The following AKAP6 variants were observed in gnomAD, a reference collection of about 807,000 sequenced individuals.
AKAP6 encodes the protein A-kinase anchoring protein 6.
AKAP6 carries 58 observed loss-of-function variants against 188.5 expected under a neutral mutation model. That is an observed-to-expected ratio of 0.31 (90% confidence interval 0.25 to 0.38). The LOEUF is 0.38. Ranked by LOEUF, AKAP6 falls within the 10% of genes least tolerant of loss-of-function variation. The pLI is 1.00. For synonymous variants in AKAP6, 989 were observed against 998.6 expected (o/e 0.99, Z 0.18); for missense variants, 2,710 against 2,740.0 (o/e 0.99, Z 0.24).
At chr14:32,557,055 A>G (rs1485407790) in intron 4 of AKAP6, among the ~76,000 whole-genome samples, 6 of 151,902 alleles carry the variant, frequency 3.9e-5, no homozygotes, top group Admixed American at 3.9e-4. Context: ...AAAAAAAAAT[A>G]CTTTTGAGAG....
At chr14:32,693,940 A>G (rs1207001989) in intron 8 of AKAP6, among the ~76,000 whole-genome samples, 1 of 152,198 alleles carries the variant, frequency 6.6e-6, no homozygotes, top group African/African-American at 2.4e-5. Context: ...GTCAATAAAG[A>G]AAACCAGATG....
At chr14:32,592,835 T>C (rs1885542089) in intron 5 of AKAP6, among the ~76,000 whole-genome samples, 1 of 152,060 alleles carries the variant, frequency 6.6e-6, no homozygotes. Context: ...AGAAACTGAG[T>C]ACACAGAGGT....
chr14:32,439,840 C>T (rs913901436), intron 2 of AKAP6, among the ~76,000 whole-genome samples: 1 of 152,050 alleles, frequency 6.6e-6, no homozygotes, highest in African/African-American at 2.4e-5. Context: ...GTGTTAAAGC[C>T]CGAAGCATTC....
intron 2 of AKAP6, among the ~76,000 whole-genome samples, chr14:32,522,789 T>G (rs1315182473): frequency 6.6e-6 from 1 of 152,190 alleles, no homozygotes; most frequent in African/African-American, 2.4e-5. Flanking sequence ...TGGCGATTCC[T>G]CGGGGATCTA....
At chr14:32,438,582 T>C (rs1890465265) in intron 2 of AKAP6, 1 of 152,148 alleles carries the variant, frequency 6.6e-6, no homozygotes, top group African/African-American at 2.4e-5. Context: ...AAGCAGAGAT[T>C]GAAAATTGGA....
chr14:32,540,535 G>A (rs538699039), intron 3 of AKAP6, among the ~76,000 whole-genome samples: 4 of 151,978 alleles, frequency 2.6e-5, no homozygotes, highest in African/African-American at 9.7e-5. Context: ...ATATTTAAGT[G>A]GAGTGGGTAC....
chr14:32,801,282 T>C (rs990936584), intron 12 of AKAP6, among the ~76,000 whole-genome samples: 2 of 152,208 alleles, frequency 1.3e-5, no homozygotes, highest in African/African-American at 4.8e-5. Context: ...TTTCCTCTTT[T>C]AATGTATCAA....
rs117383890 is a variant in AKAP6, at chr14:32,712,990, G to A, written c.3000+16880G>A. On this transcript the variant is annotated intron_variant, in intron 9 of 13. Coordinates refer to ENST00000280979, the MANE Select transcript of AKAP6 (RefSeq NM_004274.5). ...ATCACTATCTATGGCAGCTATAGCCGTACAAAATGTATTTCTTAAATAAGA... is the reference window on the plus strand; with the variant it reads ...ATCACTATCTATGGCAGCTATAGCCATACAAAATGTATTTCTTAAATAAGA... Among the ~76,000 whole-genome samples, 420 of 152,076 alleles carry A rather than the reference G, an allele frequency of 2.8e-3. 2 individuals are homozygous for A. The highest frequency in any genetic ancestry group is 7.2e-3 in the African/African-American group (300 of 41,514).
chr14:32,492,016 G>T (rs1880042278), intron 2 of AKAP6, among the ~76,000 whole-genome samples: 1 of 151,992 alleles, frequency 6.6e-6, no homozygotes, highest in African/African-American at 2.4e-5. Context: ...AAGTGTGAGG[G>T]TTATCTTATT....
chr14:32,631,868 T>C (rs1887286917), intron 7 of AKAP6, among the ~76,000 whole-genome samples: 1 of 152,084 alleles, frequency 6.6e-6, no homozygotes, highest in African/African-American at 2.4e-5. Flanking sequence ...TTCATAAGCA[T>C]GGTGACATGT....
chr14:32,807,910 C>A (rs181195223), intron 12 of AKAP6, among the ~76,000 whole-genome samples: 219 of 152,266 alleles, frequency 1.4e-3, no homozygotes, highest in African/African-American at 5.0e-3. Flanking sequence ...TTTGTTTTTA[C>A]GCTTGAGAAA....
intron 4 of AKAP6, among the ~76,000 whole-genome samples, chr14:32,563,963 C>T (rs549444865): frequency 3.1e-4 from 47 of 152,206 alleles, no homozygotes; most frequent in South Asian, 1.5e-3. Context: ...TACATACAGT[C>T]GTTCCTCAGT....
chr14:32,759,422 A>G (rs1329110391), intron 11 of AKAP6, among the ~76,000 whole-genome samples: 1 of 152,004 alleles, frequency 6.6e-6, no homozygotes, highest in Non-Finnish European at 1.5e-5. Context: ...GGGAGAAATG[A>G]CTTTTAGGAA....
At chr14:32,780,875 G>A (rs10131032) in intron 12 of AKAP6, among the ~76,000 whole-genome samples, 14,492 of 152,044 alleles carry the variant, frequency 0.095, 746 homozygotes, top group East Asian at 0.18. Flanking sequence ...CAAATACATG[G>A]AAGCTAAATA....
intron 2 of AKAP6, among the ~76,000 whole-genome samples, chr14:32,470,177 A>G (rs1878694018): frequency 6.6e-6 from 1 of 152,082 alleles, no homozygotes. Flanking sequence ...GAGCTTTACT[A>G]CTCAAAGTGT....
At chr14:32,675,678 C>T (rs1452167773) in intron 7 of AKAP6, among the ~76,000 whole-genome samples, 1 of 152,110 alleles carries the variant, frequency 6.6e-6, no homozygotes, top group Non-Finnish European at 1.5e-5. Flanking sequence ...TAAGAAAGAC[C>T]TGGGCCATCT....
intron 7 of AKAP6, among the ~76,000 whole-genome samples, chr14:32,629,462 T>G (rs1462998313): frequency 6.7e-6 from 1 of 149,772 alleles, no homozygotes; most frequent in Admixed American, 6.6e-5. Context: ...AGTCATGTTT[T>G]TTTTTTTTTT....
At position 32,546,562 on chromosome 14, in the gene AKAP6, C is replaced by A; in HGVS notation, c.1909C>A (p.Leu637Ile). 1 of 1,614,184 alleles carries A rather than the reference C, an allele frequency of 6.2e-7. No individual in the cohort carries two copies. ...SDEYLALPSH[L>I]KQTEVLALKL... ...TGAATACCTAGCACTGCCCTCTCAC[C>A]TTAAGCAGACAGAAGTATTGGCTTT... is the stretch of plus-strand genomic sequence containing the variant. The change falls in exon 4 of 14, where the codon CTT becomes ATT. Residue 637 changes from leucine (L) to isoleucine (I), a missense_variant. Physicochemically the swap from Leu to Ile is conservative, Grantham distance 5. This residue lies in a region of AKAP6 where 2,473 missense variants were observed against 2,426.1 expected (regional missense o/e 1.02). Coordinates refer to ENST00000280979, the MANE Select transcript of AKAP6 (RefSeq NM_004274.5).
intron 2 of AKAP6, among the ~76,000 whole-genome samples, chr14:32,447,522 T>C (rs1471563852): frequency 6.6e-6 from 1 of 152,226 alleles, no homozygotes; most frequent in Non-Finnish European, 1.5e-5. Context: ...AGCAGAATTT[T>C]CCTGGAATTA....
Sources: gnomAD v4.1 joint callset for allele counts (sites outside exome capture counted in the v4.1 genomes callset) on GRCh38, gnomAD v4.1.1 for gene constraint, gnomAD v4.1.1 regional missense constraint, MANE v1.5 for transcripts, NCBI Gene and HGNC (gene_info 2026-07-23, HGNC 2026-07-21) for gene names.